Variants in ATP10A observed in about 807,000 individuals in gnomAD.
ATP10A encodes the protein ATPase phospholipid transporting 10A (putative), also known as phospholipid-transporting ATPase VA.
Under a neutral mutation model 147.8 loss-of-function variants are expected in ATP10A, and 111 were observed. The ratio of observed to expected loss-of-function variants is 0.75; its 90% CI spans 0.64 to 0.88. The LOEUF (loss-of-function observed/expected upper bound fraction) is 0.88, where lower values mean the gene tolerates loss of function less well. Ranked by LOEUF, ATP10A falls within the 40% of genes least tolerant of loss-of-function variation. The pLI is 0.00. For missense variants in ATP10A, 1,927 were observed against 1,959.0 expected (o/e 0.98, Z 0.31); for synonymous variants, 875 against 841.6 (o/e 1.04, Z -0.69).
In ATP10A at chr15:25,702,105, T is replaced by G; in HGVS notation, c.2576-5A>C. On this transcript the variant is annotated splice_region_variant and splice_polypyrimidine_tract_variant and intron_variant, in intron 12 of 20. Coordinates refer to ENST00000555815, the MANE Select transcript of ATP10A (RefSeq NM_024490.4). ...GGTCTTCAATCCCAGTGGCACCTGG[T>G]CAAATGCACAGCAGTGTGAGCGAAC... 1 of 1,609,454 alleles carries G rather than the reference T, an allele frequency of 6.2e-7. No homozygotes were observed.
intron 1 of ATP10A, among the ~76,000 whole-genome samples, chr15:25,834,597 A>G (rs975391093): frequency 6.6e-6 from 1 of 152,350 alleles, no homozygotes; most frequent in South Asian, 2.1e-4. Flanking sequence ...CGTGTGCTCC[A>G]GCAAGTCTCC....
chr15:25,681,191 C>T (rs1899392645), intron 17 of ATP10A, 117 bp from the exon 18 acceptor site: 1 of 761,456 alleles, frequency 1.3e-6, no homozygotes, highest in African/African-American at 1.9e-5. Context: ...CAACAAAAAC[C>T]CACCCTGAGG....
intron 2 of ATP10A, among the ~76,000 whole-genome samples, chr15:25,745,865 C>T (rs1363188253): frequency 6.6e-6 from 1 of 151,970 alleles, no homozygotes. Context: ...TCTCATGTAA[C>T]CACCATATTA....
At chr15:25,743,965 C>T (rs1023269525) in intron 2 of ATP10A, among the ~76,000 whole-genome samples, 4 of 152,122 alleles carry the variant, frequency 2.6e-5, no homozygotes, top group Non-Finnish European at 5.9e-5. Context: ...TGTAGCATAA[C>T]ATATCCACAG....
intron 1 of ATP10A, among the ~76,000 whole-genome samples, chr15:25,810,884 C>G (rs1014082870): frequency 6.6e-6 from 1 of 152,172 alleles, no homozygotes; most frequent in African/African-American, 2.4e-5. Context: ...GGAGGGCAGC[C>G]GAGATCCTCA....
Position 25,783,213 on chromosome 15 carries a change from TAA to T in ATP10A, c.450-1992_450-1991del, listed in dbSNP as rs1890009338. 2.6e-5 allele frequency among the ~76,000 whole-genome samples: 4 copies of T among 152,208 alleles called. No individual in the cohort carries two copies. In the South Asian group the frequency reaches 6.2e-4, roughly 24 times the overall value. On this transcript the variant is annotated intron_variant, in intron 1 of 20. Coordinates refer to ENST00000555815, the MANE Select transcript of ATP10A (RefSeq NM_024490.4). The stretch of plus-strand genomic sequence containing the variant: ...AAAATCTGTCCTCTGGGTGATACTG[TAA>T]AAGAGTAAAAAGCACTAAAACACAT...
In ATP10A at chr15:25,713,683, A is replaced by T. The variant is rs756289683; in HGVS notation, c.2335T>A (p.Cys779Ser). ...GCAGGGGTGGGAGTACCTGAAGAGC[A>T]GGGCTGCAGGAGATCCATGACCACT... The part of the protein sequence containing the change: ...DSVVMDLLQP[C>S]SSVDARGRHQ... Residue 779 changes from cysteine (C) to serine (S), a missense_variant, in exon 10 of 21, where the codon TGC becomes AGC. Cys to Ser is a moderately radical substitution (Grantham distance 112). Coordinates refer to ENST00000555815, the MANE Select transcript of ATP10A (RefSeq NM_024490.4). The T allele has an allele frequency of 1.9e-6, 3 of 1,613,776 alleles. No homozygotes were observed. The South Asian group carries it at 3.3e-5, about 18-fold the overall frequency.
chr15:25,814,487 AATG>A lies in ATP10A; in HGVS notation c.450-33267_450-33265del, dbSNP rs1433480155. Among the ~76,000 whole-genome samples the A allele has an allele frequency of 2.0e-5, 3 of 152,230 alleles. No individual in the cohort carries two copies. In the East Asian group the frequency reaches 5.8e-4, roughly 29 times the overall value. ...AGATGCCCCTCTGCCTGGTTCCACC[AATG>A]ATGTCTGCAGACCAACGTGATTGGG... On this transcript the variant is annotated intron_variant, in intron 1 of 20. Transcript: ENST00000555815.
At chr15:25,724,482 T>G (rs1025460958) in intron 5 of ATP10A, among the ~76,000 whole-genome samples, 14 of 152,208 alleles carry the variant, frequency 9.2e-5, no homozygotes, top group Non-Finnish European at 2.1e-4. Context: ...TAGTGCACAT[T>G]GCCTAATCCA....
At chr15:25,801,603 AATT>A (rs1890943893) in intron 1 of ATP10A, among the ~76,000 whole-genome samples, 1 of 152,166 alleles carries the variant, frequency 6.6e-6, no homozygotes, top group Non-Finnish European at 1.5e-5. Flanking sequence ...CTGAGACTTC[AATT>A]TGCTAAGCAT....
intron 12 of ATP10A, among the ~76,000 whole-genome samples, chr15:25,703,446 C>T (rs1283042075): frequency 6.6e-6 from 1 of 152,182 alleles, no homozygotes; most frequent in Non-Finnish European, 1.5e-5. Context: ...ATCTGCAAAC[C>T]AGGAGGAGAT....
intron 1 of ATP10A, among the ~76,000 whole-genome samples, chr15:25,856,844 A>C (rs1464789080): frequency 1.3e-5 from 2 of 152,128 alleles, no homozygotes; most frequent in Non-Finnish European, 2.9e-5. Flanking sequence ...CTACCAATCC[A>C]CAGGAATTAC....
At chr15:25,770,940 G>T (rs1889301268) in intron 2 of ATP10A, among the ~76,000 whole-genome samples, 1 of 152,176 alleles carries the variant, frequency 6.6e-6, no homozygotes, top group Non-Finnish European at 1.5e-5. Flanking sequence ...AACTCGGGTC[G>T]CACAGGGGAT....
intron 1 of ATP10A, among the ~76,000 whole-genome samples, chr15:25,802,665 C>T (rs965214270): frequency 1.3e-5 from 2 of 152,318 alleles, no homozygotes; most frequent in South Asian, 2.1e-4. Context: ...AGCTCACGGC[C>T]GGCCGCCTTC....
At chr15:25,806,984 C>T (rs1163187910) in intron 1 of ATP10A, among the ~76,000 whole-genome samples, 1 of 152,202 alleles carries the variant, frequency 6.6e-6, no homozygotes, top group African/African-American at 2.4e-5. Flanking sequence ...TCAGCTTACG[C>T]TTCCACTCAC....
intron 2 of ATP10A, among the ~76,000 whole-genome samples, chr15:25,769,494 A>T (rs1889223724): frequency 6.7e-6 from 1 of 149,898 alleles, no homozygotes. Flanking sequence ...CTCAAAAAAA[A>T]AAAAAAAAAA....
intron 1 of ATP10A, among the ~76,000 whole-genome samples, chr15:25,806,740 A>C (rs1891208141): frequency 6.6e-6 from 1 of 152,232 alleles, no homozygotes. Context: ...TCCGGTCAAC[A>C]GTAAGCTATC....
chr15:25,689,551 C>G (rs1045289151), intron 15 of ATP10A, among the ~76,000 whole-genome samples: 6 of 152,214 alleles, frequency 3.9e-5, no homozygotes, highest in Non-Finnish European at 5.9e-5. Flanking sequence ...AAGGGCTCAG[C>G]AGGGACTGAC....
chr15:25,767,836 G>C (rs1185765458), intron 2 of ATP10A, among the ~76,000 whole-genome samples: 1 of 152,262 alleles, frequency 6.6e-6, no homozygotes, highest in Non-Finnish European at 1.5e-5. Flanking sequence ...GAAGTACTGT[G>C]CTGTAGACAG....
Sources: allele counts gnomAD v4.1 joint callset (sites outside exome capture counted in the v4.1 genomes callset), GRCh38; gene constraint gnomAD v4.1.1; transcripts MANE v1.5; gene names NCBI Gene and HGNC (gene_info 2026-07-23, HGNC 2026-07-21).